Variants in DTNBP1 observed in about 807,000 individuals in gnomAD.
The protein encoded by DTNBP1 is dysbindin.
DTNBP1 carries 35 observed loss-of-function variants against 42.8 expected under a neutral mutation model. That is an observed-to-expected ratio of 0.82 (90% confidence interval 0.63 to 1.09). The LOEUF (loss-of-function observed/expected upper bound fraction) is 1.09, where lower values mean the gene tolerates loss of function less well. Among genes scored for constraint, DTNBP1 ranks in the 50% least tolerant of loss-of-function variants. The pLI is 0.00. For synonymous variants in DTNBP1, 171 were observed against 162.2 expected, an observed-to-expected ratio of 1.05 and a Z score of -0.41; for missense variants, 457 against 424.2, an observed-to-expected ratio of 1.08 and a Z score of -0.68.
At chr6:15,577,274 C>G (rs371847808) in intron 7 of DTNBP1, among the ~76,000 whole-genome samples, 1 of 152,184 alleles carries the variant, frequency 6.6e-6, no homozygotes, top group Non-Finnish European at 1.5e-5. Context: ...AGCCAGGACT[C>G]GGGAGGTATT....
chr6:15,579,308 A>G (rs1429646737), intron 7 of DTNBP1, among the ~76,000 whole-genome samples: 1 of 152,234 alleles, frequency 6.6e-6, no homozygotes. Flanking sequence ...CAAGTATTGC[A>G]TATTCTCACT....
chr6:15,531,958 C>T (rs890166500), intron 8 of DTNBP1, among the ~76,000 whole-genome samples: 1 of 152,206 alleles, frequency 6.6e-6, no homozygotes, highest in African/African-American at 2.4e-5. Context: ...TTAACCTCTC[C>T]TTGGAGGGGA....
chr6:15,609,437 A>C (rs747360106), intron 6 of DTNBP1, among the ~76,000 whole-genome samples: 14 of 151,442 alleles, frequency 9.2e-5, no homozygotes, highest in Non-Finnish European at 1.9e-4. Flanking sequence ...CTCCCACCTC[A>C]GCCTCCTGAG....
intron 7 of DTNBP1, chr6:15,533,705 AC>A (rs1773035208): frequency 1.9e-6 from 1 of 527,520 alleles, no homozygotes; most frequent in Non-Finnish European, 3.7e-6. Flanking sequence ...ACCTTCCAAG[AC>A]CAGCTTCTCA....
At chr6:15,623,859 C>A (rs977720634) in intron 5 of DTNBP1, among the ~76,000 whole-genome samples, 1 of 152,196 alleles carries the variant, frequency 6.6e-6, no homozygotes, top group Admixed American at 6.5e-5. Flanking sequence ...GCTTACACAC[C>A]TTCAATGTAC....
Position 15,607,393 on chromosome 6 carries a change from C to T in DTNBP1, c.488+7874G>A, listed in dbSNP as rs926006864. On this transcript the variant is annotated intron_variant, in intron 6 of 9. Transcript: ENST00000344537. ...CTTGGCTCACTGCAACCTCCACCTCCGGAGTTCAAGGGATTCTCCTGCCTC... is the reference window on the plus strand; with the variant it reads ...CTTGGCTCACTGCAACCTCCACCTCTGGAGTTCAAGGGATTCTCCTGCCTC... 4.6e-5 allele frequency among the ~76,000 whole-genome samples: 7 copies of T among 152,294 alleles called. No homozygotes were observed. The East Asian group carries it at 9.7e-4, about 21-fold the overall frequency.
intron 4 of DTNBP1, among the ~76,000 whole-genome samples, chr6:15,633,046 A>T (rs1387655525): frequency 2.0e-5 from 3 of 152,238 alleles, no homozygotes; most frequent in Non-Finnish European, 4.4e-5. Flanking sequence ...TTGTTAGAAC[A>T]TCATAATTGT....
chr6:15,649,717 T>A (rs1760875687), intron 3 of DTNBP1, among the ~76,000 whole-genome samples: 1 of 152,250 alleles, frequency 6.6e-6, no homozygotes, highest in African/African-American at 2.4e-5. Context: ...TTTCTCACAT[T>A]CAATTTTAGT....
chr6:15,541,495 T>C (rs1054217905), intron 7 of DTNBP1, among the ~76,000 whole-genome samples: 3 of 152,124 alleles, frequency 2.0e-5, no homozygotes, highest in Non-Finnish European at 4.4e-5. Flanking sequence ...AATACAAAGA[T>C]GTTAAGAGCT....
At chr6:15,628,932 G>A (rs372910605) in intron 4 of DTNBP1, among the ~76,000 whole-genome samples, 1 of 152,136 alleles carries the variant, frequency 6.6e-6, no homozygotes, top group African/African-American at 2.4e-5. Flanking sequence ...CTCAGCCCAC[G>A]CTGGAGGGAT....
At chr6:15,561,059 T>C (rs2113474119) in intron 7 of DTNBP1, among the ~76,000 whole-genome samples, 1 of 152,346 alleles carries the variant, frequency 6.6e-6, no homozygotes, top group East Asian at 1.9e-4. Context: ...TATGTTTCAA[T>C]AACTATAGTA....
At chr6:15,586,112 G>C in intron 7 of DTNBP1, 1 of 902,430 alleles carries the variant, frequency 1.1e-6, no homozygotes, top group Non-Finnish European at 1.4e-6. Context: ...TGTCATCTAG[G>C]TACAAAGATG....
At chr6:15,603,722 T>C (rs1412255617) in intron 6 of DTNBP1, among the ~76,000 whole-genome samples, 5 of 152,226 alleles carry the variant, frequency 3.3e-5, no homozygotes, top group African/African-American at 4.8e-5. Flanking sequence ...TCTTCAGCAG[T>C]ATTCAGACAA....
At chr6:15,632,161 G>A (rs562947504) in intron 4 of DTNBP1, among the ~76,000 whole-genome samples, 27 of 151,424 alleles carry the variant, frequency 1.8e-4, no homozygotes, top group Admixed American at 4.6e-4. Context: ...GGTTTATAGG[G>A]GTTATTCATA....
intron 7 of DTNBP1, among the ~76,000 whole-genome samples, chr6:15,581,478 G>GTTTT (rs68011795): frequency 2.4e-4 from 22 of 90,370 alleles, no homozygotes; most frequent in African/African-American, 4.1e-4. Flanking sequence ...GCGCCCGACT[G>GTTTT]TTTTTTTTTT....
intron 6 of DTNBP1, among the ~76,000 whole-genome samples, chr6:15,609,738 T>C (rs1285721884): frequency 6.6e-6 from 1 of 152,266 alleles, no homozygotes; most frequent in Non-Finnish European, 1.5e-5. Flanking sequence ...GCTTTCTTAA[T>C]TGAATATGAT....
chr6:15,566,128 A>T (rs1028270456), intron 7 of DTNBP1, among the ~76,000 whole-genome samples: 1 of 151,780 alleles, frequency 6.6e-6, no homozygotes, highest in Non-Finnish European at 1.5e-5. Flanking sequence ...TCCCGGCTAA[A>T]ACGGTGAAAC....
At chr6:15,581,478 G>GTTTTTT (rs68011795) in intron 7 of DTNBP1, among the ~76,000 whole-genome samples, 3 of 90,380 alleles carry the variant, frequency 3.3e-5, no homozygotes, top group African/African-American at 4.5e-5. Flanking sequence ...GCGCCCGACT[G>GTTTTTT]TTTTTTTTTT....
chr6:15,553,267 C>T (rs1014846202), intron 7 of DTNBP1, among the ~76,000 whole-genome samples: 1 of 151,830 alleles, frequency 6.6e-6, no homozygotes, highest in Non-Finnish European at 1.5e-5. Context: ...AAGCCAGACA[C>T]AAACACTTTG....
Sources: gnomAD v4.1 joint callset for allele counts (sites outside exome capture counted in the v4.1 genomes callset) on GRCh38, gnomAD v4.1.1 for gene constraint, MANE v1.5 for transcripts, NCBI Gene and HGNC (gene_info 2026-07-23, HGNC 2026-07-21) for gene names.